The following IPCEF1 variants were observed in gnomAD, a reference collection of about 807,000 sequenced individuals.
IPCEF1 encodes the protein interaction protein for cytohesin exchange factors 1.
In IPCEF1, 31 loss-of-function variants were observed where a neutral mutation model predicts 50.9. The observed-to-expected ratio is 0.61, with a 90% CI of 0.46 to 0.82. IPCEF1 has a LOEUF of 0.82. Ranked by LOEUF, IPCEF1 falls within the 40% of genes least tolerant of loss-of-function variation. IPCEF1 has a pLI of 0.00. For missense variants in IPCEF1, 458 were observed against 514.0 expected, an observed-to-expected ratio of 0.89 and a Z score of 1.05; for synonymous variants, 181 against 192.0, an observed-to-expected ratio of 0.94 and a Z score of 0.47.
intron 9 of IPCEF1, among the ~76,000 whole-genome samples, chr6:154,201,772 G>C (rs1562538418): frequency 6.6e-6 from 1 of 152,202 alleles, no homozygotes; most frequent in Non-Finnish European, 1.5e-5. Flanking sequence ...GCTCATGCCT[G>C]TAATCCCAGC....
At position 154,296,586 on chromosome 6, in the gene IPCEF1, T is replaced by C. The variant is rs551224113; in HGVS notation, c.-61-6830A>G. Among the ~76,000 whole-genome samples the C allele has an allele frequency of 4.9e-4, 74 of 152,128 alleles. 1 individual carries two copies. The East Asian group carries it at 6.6e-3, about 14-fold the overall frequency. On this transcript the variant is annotated intron_variant, in intron 1 of 11. Coordinates refer to ENST00000367220, the MANE Select transcript of IPCEF1 (RefSeq NM_001130700.2). ...GGCTCACGCCTGTAATCCCAGCACTTTGGGAGGCCGAGGAGGGCAGATCAC... is the reference window on the plus strand; with the variant it reads ...GGCTCACGCCTGTAATCCCAGCACTCTGGGAGGCCGAGGAGGGCAGATCAC...
chr6:154,169,981 A>G (rs1799746625), intron 10 of IPCEF1, among the ~76,000 whole-genome samples: 1 of 152,176 alleles, frequency 6.6e-6, no homozygotes, highest in Non-Finnish European at 1.5e-5. Context: ...ACCCATTCTG[A>G]GACACAGATC....
chr6:154,291,973 G>A (rs1007724954), intron 1 of IPCEF1, among the ~76,000 whole-genome samples: 9 of 152,006 alleles, frequency 5.9e-5, no homozygotes, highest in Non-Finnish European at 1.2e-4. Context: ...TTGAGCCATC[G>A]CGCCTGGCCA....
chr6:154,266,038 G>T, intron 2 of IPCEF1, 74 bp from the exon 3 acceptor site: 1 of 824,850 alleles, frequency 1.2e-6, no homozygotes, highest in Non-Finnish European at 2.0e-6. Flanking sequence ...CTTTGAGTGG[G>T]GAAAGAAAAT....
In IPCEF1 at chr6:154,263,453, G is replaced by GCA. The variant is rs1781657883; in HGVS notation, c.36+2458_36+2459insTG. 8.0e-5 allele frequency among the ~76,000 whole-genome samples: 10 copies of GCA among 125,448 alleles called. 1 individual carries two copies. In the Middle Eastern group the frequency reaches 0.018, roughly 227 times the overall value. The allele number at this position is 125,448 out of a possible 152,430, so 82.3% of individuals were successfully genotyped here. On this transcript the variant is annotated intron_variant, in intron 3 of 11. Coordinates refer to ENST00000367220, the MANE Select transcript of IPCEF1 (RefSeq NM_001130700.2). ...TTAGGGAGTGGTGATGACTCTTAAG[G>GCA]AGCATGCTGCCTTCAAGCATCTGTT...
chr6:154,338,837 G>A (rs1285476515), intron 1 of IPCEF1, among the ~76,000 whole-genome samples: 3 of 152,094 alleles, frequency 2.0e-5, no homozygotes, highest in Non-Finnish European at 2.9e-5. Context: ...CAGGAGGATC[G>A]CTTGAGCCCG....
At chr6:154,270,115 A>G (rs1480519369) in intron 2 of IPCEF1, among the ~76,000 whole-genome samples, 3 of 152,202 alleles carry the variant, frequency 2.0e-5, no homozygotes, top group Non-Finnish European at 1.5e-5. Context: ...TTGATATATC[A>G]TGAGAATGAA....
At chr6:154,246,878 C>A in intron 4 of IPCEF1, 118 bp from the exon 5 acceptor site, 1 of 1,171,340 alleles carries the variant, frequency 8.5e-7, no homozygotes, top group Non-Finnish European at 1.1e-6. Flanking sequence ...CCCCGGGGAG[C>A]TGGATTTTTC....
At chr6:154,343,783 T>C (rs1488192023) in intron 1 of IPCEF1, among the ~76,000 whole-genome samples, 2 of 152,170 alleles carry the variant, frequency 1.3e-5, no homozygotes, top group African/African-American at 4.8e-5. Context: ...ACGTTTCTTG[T>C]CTAACAGGAA....
intron 5 of IPCEF1, among the ~76,000 whole-genome samples, chr6:154,241,029 A>T (rs1375434769): frequency 2.0e-5 from 3 of 152,024 alleles, no homozygotes; most frequent in Non-Finnish European, 4.4e-5. Flanking sequence ...TGAGGTCAAG[A>T]GATCGAGACC....
intron 9 of IPCEF1, among the ~76,000 whole-genome samples, chr6:154,202,814 C>A (rs558840913): frequency 6.6e-6 from 1 of 152,068 alleles, no homozygotes; most frequent in African/African-American, 2.4e-5. Context: ...AGGCACCAGG[C>A]ACCACTTATA....
intron 2 of IPCEF1, among the ~76,000 whole-genome samples, chr6:154,266,727 C>A (rs1366190018): frequency 1.3e-5 from 2 of 151,992 alleles, no homozygotes; most frequent in African/African-American, 2.4e-5. Flanking sequence ...TCTGAAGTCC[C>A]AAACTTTAAT....
At chr6:154,326,857 A>G (rs531058751) in intron 1 of IPCEF1, among the ~76,000 whole-genome samples, 17 of 152,328 alleles carry the variant, frequency 1.1e-4, no homozygotes, top group African/African-American at 4.1e-4. Context: ...GTACTGGTAC[A>G]AGAACAGACA....
chr6:154,273,557 A>G (rs977281176), intron 2 of IPCEF1, among the ~76,000 whole-genome samples: 2 of 152,136 alleles, frequency 1.3e-5, no homozygotes, highest in Non-Finnish European at 2.9e-5. Context: ...GCAAAGCAGG[A>G]GAGAAGGAAG....
chr6:154,335,433 GA>G lies in IPCEF1; in HGVS notation c.-62+21238del, dbSNP rs1431424010. Among the ~76,000 whole-genome samples the G allele has an allele frequency of 1.1e-4, 16 of 152,314 alleles. No individual in the cohort carries two copies. In the South Asian group the frequency reaches 2.9e-3, roughly 28 times the overall value. On this transcript the variant is annotated intron_variant, in intron 1 of 11. Coordinates refer to ENST00000367220, the MANE Select transcript of IPCEF1 (RefSeq NM_001130700.2). ...TTTCTCCAGTTAATCTGCCTTTTGT[GA>G]GTTGATTTTCCAGTGAACCTTCCAA...
At chr6:154,169,913 T>C (rs529824831) in intron 10 of IPCEF1, among the ~76,000 whole-genome samples, 1 of 152,340 alleles carries the variant, frequency 6.6e-6, no homozygotes, top group South Asian at 2.1e-4. Flanking sequence ...CTGAATGTTG[T>C]GATAGTGTGA....
chr6:154,190,198 G>T (rs1443990282), intron 10 of IPCEF1, among the ~76,000 whole-genome samples: 1 of 151,918 alleles, frequency 6.6e-6, no homozygotes, highest in Non-Finnish European at 1.5e-5. Context: ...TACATGTAGA[G>T]TAATAAAATG....
chr6:154,190,621 T>A (rs1303702780), intron 10 of IPCEF1, among the ~76,000 whole-genome samples: 1 of 152,174 alleles, frequency 6.6e-6, no homozygotes, highest in Admixed American at 6.5e-5. Context: ...CAGTTAAACA[T>A]ACTCTTACCA....
intron 3 of IPCEF1, among the ~76,000 whole-genome samples, chr6:154,261,591 A>G (rs1781603482): frequency 6.6e-6 from 1 of 152,210 alleles, no homozygotes; most frequent in South Asian, 2.1e-4. Flanking sequence ...AGCTTTGAAA[A>G]TCCCATTGTT....
Sources: gnomAD v4.1 joint callset for allele counts (sites outside exome capture counted in the v4.1 genomes callset) on GRCh38, gnomAD v4.1.1 for gene constraint, MANE v1.5 for transcripts, NCBI Gene and HGNC (gene_info 2026-07-23, HGNC 2026-07-21) for gene names.